The following LZTFL1 variants were observed in gnomAD, a reference collection of about 807,000 sequenced individuals.
LZTFL1 encodes the protein leucine zipper transcription factor like 1, also known as leucine zipper transcription factor-like protein 1.
A neutral mutation model predicts 45.9 loss-of-function variants in LZTFL1; 25 were observed. The observed-to-expected ratio is 0.54, with a 90% confidence interval of 0.40 to 0.76. The LOEUF (loss-of-function observed/expected upper bound fraction) is 0.76, where lower values mean the gene tolerates loss of function less well. Ranked by LOEUF, LZTFL1 falls within the 30% of genes least tolerant of loss-of-function variation. The pLI, the probability that LZTFL1 is intolerant of heterozygous loss-of-function variation, is 0.00. For missense variants in LZTFL1, 277 were observed against 331.1 expected (o/e 0.84, Z 1.27); for synonymous variants, 93 against 117.4 (o/e 0.79, Z 1.35).
intron 2 of LZTFL1, among the ~76,000 whole-genome samples, chr3:45,867,184 T>C (rs1206626164): frequency 2.0e-5 from 3 of 150,200 alleles, no homozygotes; most frequent in African/African-American, 7.4e-5. Flanking sequence ...CAAAAGATAG[T>C]TACATTTTTC....
At chr3:45,842,815 T>C (rs536099955), upstream of LZTFL1, among the ~76,000 whole-genome samples, 11 of 152,304 alleles carry the variant, frequency 7.2e-5, no homozygotes, top group African/African-American at 2.4e-4. Context: ...GCTTGGGTCC[T>C]TGGGATCTGC....
intron 2 of LZTFL1, among the ~76,000 whole-genome samples, chr3:45,890,829 G>C (rs776344701): frequency 2.6e-5 from 4 of 152,210 alleles, no homozygotes; most frequent in Non-Finnish European, 5.9e-5. Context: ...AAATGAATTG[G>C]GGCACAGCCC....
chr3:45,839,278 C>T (rs9882270), intron 1 of LZTFL1, among the ~76,000 whole-genome samples: 11,421 of 152,052 alleles, frequency 0.075, 513 homozygotes, highest in Non-Finnish European at 0.088. Context: ...TTAGTAGAGA[C>T]GGGGTTTCAC....
chr3:45,914,944 T>A (rs145143391), intron 1 of LZTFL1, among the ~76,000 whole-genome samples: 1 of 152,272 alleles, frequency 6.6e-6, no homozygotes, highest in East Asian at 1.9e-4. Flanking sequence ...TGTCGCTCAT[T>A]CACAAGCGTC....
rs539934579 is a variant in LZTFL1, at chr3:45,884,882, G to A, written c.-214-25866C>T. On this transcript the variant is annotated intron_variant, in intron 2 of 4. Transcript: ENST00000472635. ...GTCTTTATTTGCCAAGTGAGAGGGA[G>A]GAGTGAGATGCCAGAGCATCTGGCT... Among the ~76,000 whole-genome samples the A allele has an allele frequency of 1.4e-4, 21 of 152,306 alleles. 1 individual carries two copies. The South Asian group carries it at 4.4e-3, about 32-fold the overall frequency.
rs370070799 is a variant in LZTFL1 at position 45,851,834 on chromosome 3, T to C, written c.-49+3152A>G. On this transcript the variant is annotated intron_variant, in intron 4 of 4. Coordinates refer to the LZTFL1 transcript ENST00000472635. Reference sequence around the variant, plus strand: ...CTGCACTCCAGCCTGGGTGACCCTGTCTCTCATTTTTTTTTTGTTCTTGTT... The same window carrying C: ...CTGCACTCCAGCCTGGGTGACCCTGCCTCTCATTTTTTTTTTGTTCTTGTT... Among the ~76,000 whole-genome samples, 200 of 80,660 alleles carry C rather than the reference T, an allele frequency of 2.5e-3. 1 individual carries two copies. The highest frequency in any genetic ancestry group is 7.4e-3 in the African/African-American group (177 of 23,942). 52.9% of individuals were successfully genotyped at this position (80,660 alleles called of 152,430 possible). A position where few individuals can be genotyped will look rare whatever the true frequency, so the allele number is the denominator to read the frequency against.
chr3:45,896,128 T>C (rs1702348882), intron 2 of LZTFL1, among the ~76,000 whole-genome samples: 1 of 152,248 alleles, frequency 6.6e-6, no homozygotes, highest in Admixed American at 6.5e-5. Flanking sequence ...AAGTAACTAT[T>C]ATTCTGACAA....
At chr3:45,834,532 A>G (rs1575256472) in intron 3 of LZTFL1, 2 of 366,468 alleles carry the variant, frequency 5.5e-6, no homozygotes, top group East Asian at 8.3e-5. Context: ...GGTATGCAAT[A>G]TCTACTGCTA....
intron 9 of LZTFL1, chr3:45,827,146 A>G (rs1700688366): frequency 5.6e-6 from 3 of 532,842 alleles, no homozygotes; most frequent in Non-Finnish European, 9.9e-6. Flanking sequence ...GTGTGAGTCT[A>G]AAGGCCTAGA....
intron 2 of LZTFL1, among the ~76,000 whole-genome samples, chr3:45,895,586 C>A (rs888507955): frequency 6.6e-5 from 10 of 152,080 alleles, no homozygotes; most frequent in Non-Finnish European, 1.5e-4. Flanking sequence ...TGGTGGCATG[C>A]GCATGTAATC....
chr3:45,850,895 C>A (rs1701296981), intron 4 of LZTFL1, among the ~76,000 whole-genome samples: 1 of 152,176 alleles, frequency 6.6e-6, no homozygotes, highest in South Asian at 2.1e-4. Flanking sequence ...CCAGAACATT[C>A]ACTCATTCAA....
chr3:45,836,515 G>C (rs2125687984), intron 2 of LZTFL1, among the ~76,000 whole-genome samples: 1 of 152,206 alleles, frequency 6.6e-6, no homozygotes, highest in South Asian at 2.1e-4. Context: ...AATTACCTGG[G>C]TGTGGTGGCA....
At position 45,826,206 on chromosome 3, in the gene LZTFL1, T is replaced by A; in HGVS notation, c.*108A>T. On this transcript the variant is annotated 3_prime_UTR_variant, in exon 10 of 10. Transcript: ENST00000296135. ...TTCTAAATATTCAAAGTCTAAATAT[T>A]AGAAAAATAAGGAGAGGGGATATGA... 1.1e-6 allele frequency: 1 copy of A among 938,624 alleles called. No homozygotes were observed. The highest frequency in any genetic ancestry group is 1.7e-5 in the African/African-American group (1 of 60,450). The allele number at this position is 938,624 out of a possible 1,614,324, so 58.1% of individuals were successfully genotyped here.
intron 2 of LZTFL1, chr3:45,902,651 T>C (rs1212454969): frequency 6.0e-6 from 1 of 167,096 alleles, no homozygotes; most frequent in Non-Finnish European, 1.5e-5. Flanking sequence ...TGACAGTGTC[T>C]CTCCATGGCC....
At chr3:45,840,057 AC>A (rs1701066238) in intron 1 of LZTFL1, among the ~76,000 whole-genome samples, 1 of 152,160 alleles carries the variant, frequency 6.6e-6, no homozygotes, top group Non-Finnish European at 1.5e-5. Flanking sequence ...GAGGGCATGA[AC>A]CATTTCTTAT....
intron 4 of LZTFL1, among the ~76,000 whole-genome samples, chr3:45,833,594 G>A (rs1254346827): frequency 6.6e-6 from 1 of 152,128 alleles, no homozygotes; most frequent in Non-Finnish European, 1.5e-5. Context: ...TAATATAGTA[G>A]TTTAGTAATA....
intron 2 of LZTFL1, among the ~76,000 whole-genome samples, chr3:45,890,490 C>G (rs9862611): frequency 0.52 from 75,965 of 147,322 alleles, 22,609 homozygotes; most frequent in African/African-American, 0.83. Flanking sequence ...TCATCTGGGG[C>G]AAAAAAAAGA....
intron 2 of LZTFL1, among the ~76,000 whole-genome samples, chr3:45,903,455 G>A (rs1440891618): frequency 6.6e-6 from 1 of 152,190 alleles, no homozygotes; most frequent in Non-Finnish European, 1.5e-5. Context: ...GAGGACTATT[G>A]GAACAGCACA....
chr3:45,897,065 T>G (rs1575301338), intron 2 of LZTFL1, among the ~76,000 whole-genome samples: 1 of 152,158 alleles, frequency 6.6e-6, no homozygotes, highest in African/African-American at 2.4e-5. Context: ...CGTGCCTGTG[T>G]GGGAGCAACA....
Sources: allele counts gnomAD v4.1 joint callset (sites outside exome capture counted in the v4.1 genomes callset), GRCh38; gene constraint gnomAD v4.1.1; transcripts MANE v1.5; gene names NCBI Gene and HGNC (gene_info 2026-07-23, HGNC 2026-07-21).